B3GALT1: variants seen among roughly 807,000 people sequenced by gnomAD.
B3GALT1 encodes the protein beta-1,3-galactosyltransferase 1.
In B3GALT1, 10 loss-of-function variants were observed where a neutral mutation model predicts 23.2. The observed-to-expected ratio is 0.43, with a 90% confidence interval of 0.27 to 0.73. The LOEUF (loss-of-function observed/expected upper bound fraction) is 0.73. B3GALT1 is among the 30% of genes least tolerant of loss of function. The probability of loss-of-function intolerance (pLI) is 0.21; values close to 1 mark genes in which losing one functional copy is unlikely to be tolerated. For synonymous variants in B3GALT1, 156 were observed against 141.5 expected (o/e 1.10, Z -0.73); for missense variants, 299 against 405.4 (o/e 0.74, Z 2.25).
chr2:167,721,056 A>G (rs760457204), intron 3 of B3GALT1, among the ~76,000 whole-genome samples: 2 of 151,416 alleles, frequency 1.3e-5, no homozygotes, highest in African/African-American at 4.9e-5. Flanking sequence ...CTCTCTCTGT[A>G]TATCTCCATC....
At chr2:167,445,549 C>T (rs1223331323) in intron 1 of B3GALT1, among the ~76,000 whole-genome samples, 2 of 152,174 alleles carry the variant, frequency 1.3e-5, no homozygotes, top group Non-Finnish European at 2.9e-5. Flanking sequence ...CTGGATGCTC[C>T]TGTATTGGGT....
chr2:167,359,493 T>C (rs1422229469), intron 1 of B3GALT1, among the ~76,000 whole-genome samples: 3 of 152,220 alleles, frequency 2.0e-5, no homozygotes, highest in African/African-American at 7.2e-5. Flanking sequence ...TATATACACA[T>C]TTTTTAATGT....
chr2:167,841,994 G>C (rs901569659), intron 4 of B3GALT1, among the ~76,000 whole-genome samples: 8 of 152,150 alleles, frequency 5.3e-5, no homozygotes, highest in African/African-American at 1.9e-4. Context: ...CACTTTATTA[G>C]AATGCGGTTT....
chr2:167,649,000 C>T (rs1685806509), intron 3 of B3GALT1, among the ~76,000 whole-genome samples: 1 of 152,084 alleles, frequency 6.6e-6, no homozygotes, highest in South Asian at 2.1e-4. Flanking sequence ...ATTTTATAGC[C>T]TTTCACTTGC....
chr2:167,687,344 G>A (rs546063749), intron 3 of B3GALT1, among the ~76,000 whole-genome samples: 1 of 152,266 alleles, frequency 6.6e-6, no homozygotes, highest in South Asian at 2.1e-4. Context: ...TAATTTAACA[G>A]CGAACATATT....
intron 3 of B3GALT1, among the ~76,000 whole-genome samples, chr2:167,793,076 C>T (rs925157487): frequency 1.3e-5 from 2 of 152,144 alleles, no homozygotes; most frequent in African/African-American, 4.8e-5. Flanking sequence ...TTTATTATCT[C>T]AACCACAAGT....
At chr2:167,767,987 A>G (rs961554972) in intron 3 of B3GALT1, among the ~76,000 whole-genome samples, 3 of 152,046 alleles carry the variant, frequency 2.0e-5, no homozygotes, top group Non-Finnish European at 4.4e-5. Context: ...CCTGAAAACC[A>G]GGAGATTGAT....
At chr2:167,668,442 G>A (rs941307192) in intron 3 of B3GALT1, among the ~76,000 whole-genome samples, 3 of 152,196 alleles carry the variant, frequency 2.0e-5, no homozygotes, top group African/African-American at 4.8e-5. Flanking sequence ...AGCCTACAGA[G>A]GCAGGCAGTC....
At chr2:167,368,147 A>G (rs73019776) in intron 1 of B3GALT1, among the ~76,000 whole-genome samples, 2,462 of 152,302 alleles carry the variant, frequency 0.016, 69 homozygotes, top group African/African-American at 0.056. Flanking sequence ...AGAAAATGTG[A>G]AAATTCTGGA....
intron 2 of B3GALT1, among the ~76,000 whole-genome samples, chr2:167,642,749 G>T (rs1005106902): frequency 6.6e-6 from 1 of 152,092 alleles, no homozygotes; most frequent in Admixed American, 6.6e-5. Flanking sequence ...TGTTGTGGTG[G>T]TTGTTGTTGA....
chr2:167,778,146 T>C (rs1574257977), intron 3 of B3GALT1, among the ~76,000 whole-genome samples: 2 of 152,282 alleles, frequency 1.3e-5, no homozygotes, highest in Middle Eastern at 6.8e-3. Flanking sequence ...GTGCCACAAA[T>C]AGTTTAGACA....
In B3GALT1 at chr2:167,541,234, A is replaced by C. The variant is rs567363390; in HGVS notation, c.-410+50957A>C. On this transcript the variant is annotated intron_variant, in intron 2 of 4. Coordinates refer to ENST00000392690, the MANE Select transcript of B3GALT1 (RefSeq NM_020981.4). The stretch of plus-strand genomic sequence containing the variant: ...CATATGATCAAGAGGATAAATCGTC[A>C]GTTTTAGCTTTTCTGACTCACTTTG... 1.2e-4 allele frequency among the ~76,000 whole-genome samples: 19 copies of C among 152,254 alleles called. No homozygotes were observed. The East Asian group carries it at 3.1e-3, about 25-fold the overall frequency.
intron 1 of B3GALT1, among the ~76,000 whole-genome samples, chr2:167,415,083 C>CA (rs1245738502): frequency 6.6e-6 from 1 of 152,178 alleles, no homozygotes; most frequent in Non-Finnish European, 1.5e-5. Flanking sequence ...AACTGCATCT[C>CA]AGAGTGTGCT....
At chr2:167,415,716 C>T (rs1025946313) in intron 1 of B3GALT1, among the ~76,000 whole-genome samples, 11 of 152,148 alleles carry the variant, frequency 7.2e-5, no homozygotes, top group Non-Finnish European at 1.6e-4. Context: ...CAGCAAAGAA[C>T]GTTCTGATGA....
At chr2:167,582,393 A>G (rs1167637919) in intron 2 of B3GALT1, among the ~76,000 whole-genome samples, 4 of 152,212 alleles carry the variant, frequency 2.6e-5, no homozygotes, top group Admixed American at 1.3e-4. Context: ...CAGTGGCATC[A>G]TAAGTTTACT....
At chr2:167,771,652 T>C (rs1486806148) in intron 3 of B3GALT1, among the ~76,000 whole-genome samples, 1 of 152,244 alleles carries the variant, frequency 6.6e-6, no homozygotes, top group East Asian at 1.9e-4. Flanking sequence ...CATGAATGAA[T>C]ATATTCCATA....
At position 167,445,523 on chromosome 2, in the gene B3GALT1, G is replaced by A. The variant is rs1698969127; in HGVS notation, c.-510-44654G>A. On this transcript the variant is annotated intron_variant, in intron 1 of 4. Coordinates refer to ENST00000392690, the MANE Select transcript of B3GALT1 (RefSeq NM_020981.4). ...CTAAGTCTCTTTGTAGGTCTCTAAA[G>A]ACTTGCTTTATGAACCTGGATGCTC... is the stretch of plus-strand genomic sequence containing the variant. Among the ~76,000 whole-genome samples, 2 of 152,148 alleles carry A rather than the reference G, an allele frequency of 1.3e-5. 1 individual carries two copies. Among genetic ancestry groups the A allele is most frequent in the South Asian group, 4.1e-4 (2 of 4,828 alleles).
intron 2 of B3GALT1, among the ~76,000 whole-genome samples, chr2:167,584,497 T>A (rs1024011821): frequency 6.6e-6 from 1 of 152,154 alleles, no homozygotes; most frequent in African/African-American, 2.4e-5. Flanking sequence ...AAGCAATTAG[T>A]TTCACAGCAG....
intron 3 of B3GALT1, among the ~76,000 whole-genome samples, chr2:167,654,952 T>C (rs1054818910): frequency 5.9e-5 from 9 of 152,050 alleles, no homozygotes; most frequent in African/African-American, 1.9e-4. Context: ...TGAAGGCCCA[T>C]GTAAGAGAAT....
Sources: allele counts gnomAD v4.1 joint callset (sites outside exome capture counted in the v4.1 genomes callset), GRCh38; gene constraint gnomAD v4.1.1; transcripts MANE v1.5; gene names NCBI Gene and HGNC (gene_info 2026-07-23, HGNC 2026-07-21).